CSRP3: variants seen among roughly 807,000 people sequenced by gnomAD.
CSRP3 encodes cysteine and glycine rich protein 3, also known as cysteine and glycine-rich protein 3.
A neutral mutation model predicts 24.3 loss-of-function variants in CSRP3; 24 were observed. The observed-to-expected ratio is 0.99, with a 90% CI of 0.71 to 1.39. The LOEUF is 1.39. Among genes scored for constraint, CSRP3 ranks in the 40% most tolerant of loss-of-function variants. The pLI is 0.00. For missense variants in CSRP3, 240 were observed against 249.0 expected (o/e 0.96, Z 0.24); for synonymous variants, 105 against 94.0 (o/e 1.12, Z -0.68).
At chr11:19,191,973 T>C (rs1471238472) in intron 2 of CSRP3, among the ~76,000 whole-genome samples, 1 of 152,220 alleles carries the variant, frequency 6.6e-6, no homozygotes, top group African/African-American at 2.4e-5. Context: ...GCCAAATCCA[T>C]CCTGGCTTCA....
rs147762336 is a variant in CSRP3 at position 19,194,989 on chromosome 11, C to G, written c.-28-2513G>C. On this transcript the variant is annotated intron_variant, in intron 1 of 5. Coordinates refer to ENST00000265968, the MANE Select transcript of CSRP3 (RefSeq NM_003476.5). ...AAAAATAGACAAGATTCAGAATGCT[C>G]TGTACCAGAGAAGAGTCTTGTGAGA... is the stretch of plus-strand genomic sequence containing the variant. 6.6e-4 allele frequency among the ~76,000 whole-genome samples: 101 copies of G among 152,134 alleles called. 1 individual carries two copies. Among genetic ancestry groups the G allele is most frequent in the African/African-American group, 2.4e-3 (99 of 41,534 alleles).
chr11:19,183,775 C>T (rs182203424), intron 5 of CSRP3, among the ~76,000 whole-genome samples: 1 of 152,268 alleles, frequency 6.6e-6, no homozygotes, highest in African/African-American at 2.4e-5. Context: ...AAAGCTTTGG[C>T]AGCTGATATG....
intron 1 of CSRP3, among the ~76,000 whole-genome samples, chr11:19,195,210 G>A (rs1850679942): frequency 6.6e-6 from 1 of 151,862 alleles, no homozygotes; most frequent in Non-Finnish European, 1.5e-5. Flanking sequence ...AAGCAGAAAG[G>A]CGTAGAGGCC....
chr11:19,188,054 A>G, intron 3 of CSRP3, 82 bp downstream of exon 3: 1 of 1,555,476 alleles, frequency 6.4e-7, no homozygotes, highest in Non-Finnish European at 8.9e-7. Flanking sequence ...CCACTTCCAG[A>G]AAACGTTGCT....
At chr11:19,195,691 CTGTG>C (rs35333621) in intron 1 of CSRP3, among the ~76,000 whole-genome samples, 15 of 150,186 alleles carry the variant, frequency 1.0e-4, no homozygotes, top group Admixed American at 2.0e-4. Context: ...ACATATATAT[CTGTG>C]TGTGTGTGTG....
intron 5 of CSRP3, among the ~76,000 whole-genome samples, chr11:19,183,745 C>T (rs766226928): frequency 1.6e-4 from 24 of 152,308 alleles, no homozygotes; most frequent in Non-Finnish European, 2.4e-4. Context: ...AGCTAGTTCC[C>T]ATCCTGTGTC....
intron 5 of CSRP3, among the ~76,000 whole-genome samples, chr11:19,184,382 G>A (rs909166630): frequency 5.9e-5 from 9 of 152,182 alleles, no homozygotes; most frequent in Admixed American, 2.0e-4. Flanking sequence ...GATTATGGAG[G>A]CAGCGAGGGT....
At position 19,184,947 on chromosome 11, in the gene CSRP3, C is replaced by T. The variant is rs2133506773; in HGVS notation, c.508+5G>A. 1 of 1,603,444 alleles carries T rather than the reference C, an allele frequency of 6.2e-7. No homozygotes were observed. Among genetic ancestry groups the T allele is most frequent in the South Asian group, 1.1e-5 (1 of 90,902 alleles). On this transcript the variant is annotated splice_donor_5th_base_variant and intron_variant, in intron 5 of 5. Transcript: ENST00000265968. The stretch of plus-strand genomic sequence containing the variant: ...TATTTCAAGAAAGTCTCCAGAATCA[C>T]TCACCTTTGCAATAAAGTTCCCCAT...
intron 1 of CSRP3, among the ~76,000 whole-genome samples, chr11:19,201,342 C>T (rs1335164467): frequency 2.6e-4 from 39 of 152,206 alleles, no homozygotes; most frequent in Admixed American, 2.6e-3. Flanking sequence ...TATTTAAAAT[C>T]AACAAGCCCA....
At position 19,182,659 on chromosome 11, in the gene CSRP3, G is replaced by T; in HGVS notation, c.*11C>A. ...TAGGCTCGCAAAAAATCTGAGAAAC[G>T]GCGCACCTCTTCATTCTTTCTTTTC... On this transcript the variant is annotated 3_prime_UTR_variant, in exon 6 of 6. Transcript: ENST00000265968. 6.2e-7 allele frequency: 1 copy of T among 1,613,032 alleles called. No individual in the cohort carries two copies. The highest frequency in any genetic ancestry group is 1.1e-5 in the South Asian group (1 of 91,052).
At position 19,186,294 on chromosome 11, in the gene CSRP3, C is replaced by T. The variant is rs13451; in HGVS notation, c.336G>A (p.Ala112=). 150,694 of 1,614,124 alleles carry T rather than the reference C, an allele frequency of 0.093. 7,823 individuals are homozygous for T. The highest frequency in any genetic ancestry group is 0.11 in the Non-Finnish European group (124,286 of 1,180,000). Residue 112 remains alanine, a synonymous_variant, in exon 4 of 6, where the codon GCG becomes GCA. Transcript: ENST00000265968. ...GGCACTTCTCGGACTCTCCAAACTT[C>T]GCAGTGAATTTGGAAGGGTTGCTGG... ...VTTSNPSKFT[A]KFGESEKCPR...
chr11:19,198,354 G>T (rs144986666), intron 1 of CSRP3, among the ~76,000 whole-genome samples: 1 of 152,208 alleles, frequency 6.6e-6, no homozygotes, highest in Non-Finnish European at 1.5e-5. Context: ...GAATTGAGAC[G>T]TGACCAATCC....
At chr11:19,196,015 T>C (rs940938395) in intron 1 of CSRP3, among the ~76,000 whole-genome samples, 3 of 152,150 alleles carry the variant, frequency 2.0e-5, no homozygotes, top group Admixed American at 2.0e-4. Flanking sequence ...ACGCCTGTAA[T>C]CCCAGGACTG....
intron 5 of CSRP3, among the ~76,000 whole-genome samples, 158 bp from the exon 6 acceptor site, chr11:19,182,904 C>G (rs1850460839): frequency 6.6e-6 from 1 of 152,182 alleles, no homozygotes; most frequent in African/African-American, 2.4e-5. Context: ...TGCCTGTAAT[C>G]CCAGCACTTT....
At chr11:19,200,328 C>G (rs921160684) in intron 1 of CSRP3, among the ~76,000 whole-genome samples, 2 of 152,144 alleles carry the variant, frequency 1.3e-5, no homozygotes, top group South Asian at 2.1e-4. Context: ...AACTGATTAT[C>G]TTTATTTTCT....
chr11:19,197,388 C>CCCTTCCTTCCTT (rs869090928), intron 1 of CSRP3, among the ~76,000 whole-genome samples: 33 of 10,838 alleles, frequency 3.0e-3, no homozygotes, highest in East Asian at 0.013. Context: ...CTCCCTCCCT[C>CCCTTCCTTCCTT]CCTTCCTTCC....
Position 19,182,481 on chromosome 11 carries a change from G to C in CSRP3, c.*189C>G. 1 of 640,180 alleles carries C rather than the reference G, an allele frequency of 1.6e-6. No individual in the cohort carries two copies. The highest frequency in any genetic ancestry group is 2.8e-6 in the Non-Finnish European group (1 of 355,198). The allele number at this position is 640,180 out of a possible 1,614,324, so 39.7% of individuals were successfully genotyped here. ...TATAAATAATAAAGCATTTGTTATA[G>C]ATTAAACTTTACATAATTTTCTTCC... is the stretch of plus-strand genomic sequence containing the variant. On this transcript the variant is annotated 3_prime_UTR_variant, in exon 6 of 6. Transcript: ENST00000265968.
At chr11:19,192,932 G>A (rs1850640107) in intron 1 of CSRP3, among the ~76,000 whole-genome samples, 2 of 152,132 alleles carry the variant, frequency 1.3e-5, no homozygotes, top group South Asian at 4.1e-4. Flanking sequence ...GCAGATTCTG[G>A]TTTGGTAGAT....
At chr11:19,197,439 T>C (rs531115052) in intron 1 of CSRP3, among the ~76,000 whole-genome samples, 1 of 136,922 alleles carries the variant, frequency 7.3e-6, no homozygotes, top group African/African-American at 2.7e-5. Context: ...CCCTCCTTCT[T>C]TCCATCCTTT....
Sources: gnomAD v4.1 joint callset for allele counts (sites outside exome capture counted in the v4.1 genomes callset) on GRCh38, gnomAD v4.1.1 for gene constraint, MANE v1.5 for transcripts, NCBI Gene and HGNC (gene_info 2026-07-23, HGNC 2026-07-21) for gene names.